The following CAD variants were observed in gnomAD, a reference collection of about 807,000 sequenced individuals.
CAD encodes multifunctional protein CAD.
CAD carries 81 observed loss-of-function variants against 237.2 expected under a neutral mutation model. The observed-to-expected ratio is 0.34, with a 90% confidence interval of 0.29 to 0.41. The LOEUF is 0.41. Among genes scored for constraint, CAD ranks in the 10% least tolerant of loss-of-function variants. The pLI, the probability that CAD is intolerant of heterozygous loss-of-function variation, is 1.00. For synonymous variants in CAD, 1,196 were observed against 1,162.8 expected (o/e 1.03, Z -0.58); for missense variants, 2,181 against 2,951.7 (o/e 0.74, Z 6.05).
Position 27,223,641 on chromosome 2 carries a change from G to A in CAD, c.888G>A (p.Gly296=), listed in dbSNP as rs1423922377. 1.2e-6 allele frequency: 2 copies of A among 1,614,094 alleles called. No homozygotes were observed. Among genetic ancestry groups the A allele is most frequent in the South Asian group, 1.1e-5 (1 of 91,064 alleles). Reference sequence around the variant, plus strand: ...GCTTTCTGACATCCCAGAACCATGGGTTTGCTGTGGAGACAGACTCACTGC... The same window carrying A: ...GCTTTCTGACATCCCAGAACCATGGATTTGCTGTGGAGACAGACTCACTGC... ...GRCFLTSQNH[G]FAVETDSLPA... The change falls in exon 7 of 44, where the codon GGG becomes GGA. Residue 296 remains glycine (G), a synonymous_variant. Coordinates refer to ENST00000264705, the MANE Select transcript of CAD (RefSeq NM_004341.5).
chr2:27,223,243 C>G (rs1317597533), intron 6 of CAD, among the ~76,000 whole-genome samples: 1 of 152,098 alleles, frequency 6.6e-6, no homozygotes, highest in African/African-American at 2.4e-5. Flanking sequence ...CCAGCCTGGC[C>G]AACATGGTGA....
intron 10 of CAD, 24 bp downstream of exon 10, chr2:27,224,900 T>C: frequency 6.2e-7 from 1 of 1,614,080 alleles, no homozygotes. Flanking sequence ...AAGGCTGGAA[T>C]GAAAAGAGGA....
At position 27,240,756 on chromosome 2, in the gene CAD, A is replaced by G. The variant is rs1676277771; in HGVS notation, c.5594-155A>G. On this transcript the variant is annotated intron_variant, in intron 35 of 43. Coordinates refer to ENST00000264705, the MANE Select transcript of CAD (RefSeq NM_004341.5). This position sits in a 1 kb window ranked among gnomAD's most constrained non-coding sequence, Gnocchi z 4.6. ...TGGGAAGCCACCTGTCTGTCCCCAG[A>G]GCTGCTGCAGTCCCCTGCCCTCCCC... 1.0e-5 allele frequency: 12 copies of G among 1,165,482 alleles called. No individual in the cohort carries two copies. The highest frequency in any genetic ancestry group is 1.1e-5 in the Non-Finnish European group (9 of 808,590). 72.2% of individuals were successfully genotyped at this position (1,165,482 alleles called of 1,614,324 possible). A position where few individuals can be genotyped will look rare whatever the true frequency, so the allele number is the denominator to read the frequency against.
chr2:27,239,958 A>G lies in CAD; in HGVS notation c.5496+160A>G. On this transcript the variant is annotated intron_variant, in intron 34 of 43. Coordinates refer to ENST00000264705, the MANE Select transcript of CAD (RefSeq NM_004341.5). The surrounding 1 kb of genome is among the most constrained non-coding windows in gnomAD (Gnocchi z 4.0). ...AATTATTTTTTTAAAATGCTGGGCC[A>G]GGCCAGATGTGGTGGCTCACACTTG... The G allele has an allele frequency of 1.6e-6, 1 of 610,802 alleles. No individual in the cohort carries two copies. Among genetic ancestry groups the G allele is most frequent in the Non-Finnish European group, 2.8e-6 (1 of 361,874 alleles). 37.8% of individuals were successfully genotyped at this position (610,802 alleles called of 1,614,324 possible).
Position 27,239,707 on chromosome 2 carries a change from C to A in CAD, c.5405C>A (p.Pro1802His). The change falls in exon 34 of 44, where the codon CCC becomes CAC. Residue 1802 changes from proline (P) to histidine (H), a missense_variant. Around this residue, in one of 12 missense-constraint regions of CAD, gnomAD observed 478 missense variants for 515.0 expected, o/e 0.93. Coordinates refer to ENST00000264705, the MANE Select transcript of CAD (RefSeq NM_004341.5). The surrounding 1 kb of genome is among the most constrained non-coding windows in gnomAD (Gnocchi z 4.0). ...GCCTTCTGCCTGCAGGTTCTGGTAC[C>A]CCCGGGCTATGGACAGGATGTACGG... ...VAYIDGQVLV[P>H]PGYGQDVRKW... 6.3e-7 allele frequency: 1 copy of A among 1,587,784 alleles called. No individual in the cohort carries two copies. The highest frequency in any genetic ancestry group is 8.6e-7 in the Non-Finnish European group (1 of 1,165,378).
In CAD at chr2:27,237,984, T is replaced by TG; in HGVS notation, c.4729-68dup. 1 of 1,590,230 alleles carries TG rather than the reference T, an allele frequency of 6.3e-7. No homozygotes were observed. Among genetic ancestry groups the TG allele is most frequent in the East Asian group, 2.2e-5 (1 of 44,572 alleles). ...AGCAGTGAGGATTCAGGGGAGCTCC[T>TG]GGGGACTCTGGGCTCTGATGAGCAC... On this transcript the variant is annotated intron_variant, in intron 29 of 43. Coordinates refer to ENST00000264705, the MANE Select transcript of CAD (RefSeq NM_004341.5). The surrounding 1 kb of genome is among the most constrained non-coding windows in gnomAD (Gnocchi z 4.0).
Position 27,243,190 on chromosome 2 carries a change from C to T in CAD, c.6481-8C>T. 4 of 1,613,936 alleles carry T rather than the reference C, an allele frequency of 2.5e-6. No individual in the cohort carries two copies. The highest frequency in any genetic ancestry group is 1.3e-5 in the African/African-American group (1 of 75,002). On this transcript the variant is annotated splice_region_variant and splice_polypyrimidine_tract_variant and intron_variant, in intron 42 of 43. Transcript: ENST00000264705. ...AAGGCACTAATGGGGACCCCATCTG[C>T]TTTGCAGTGCTTTGGTCAGTTCATC...
Position 27,224,365 on chromosome 2 carries a change from C to CA in CAD, c.1129_1130insA (p.Arg377GlnfsTer37). The CA allele has an allele frequency of 1.9e-6, 3 of 1,614,188 alleles. No homozygotes were observed. The highest frequency in any genetic ancestry group is 2.5e-6 in the Non-Finnish European group (3 of 1,180,026). On this transcript the variant is annotated frameshift_variant, in exon 9 of 44. Transcript: ENST00000264705. LOFTEE classifies it high-confidence loss of function. ...CACAGTTAGAGAGCGGCTGACTGAG[C>CA]GCCTCTGTCCCCCTGGGATTCCCAC...
Position 27,240,634 on chromosome 2 carries a change from G to T in CAD, c.5593+273G>T. 1 of 1,543,624 alleles carries T rather than the reference G, an allele frequency of 6.5e-7. No individual in the cohort carries two copies. The highest frequency in any genetic ancestry group is 8.7e-7 in the Non-Finnish European group (1 of 1,142,932). On this transcript the variant is annotated intron_variant, in intron 35 of 43. Coordinates refer to ENST00000264705, the MANE Select transcript of CAD (RefSeq NM_004341.5). This position sits in a 1 kb window ranked among gnomAD's most constrained non-coding sequence, Gnocchi z 4.6. ...GAGCGTGGGGTAAATCCAGGTTGTT[G>T]GTTGGTGTGAGTCTGGCCGTTCCTC...
At chr2:27,231,920 A>G (rs1572438575) in intron 16 of CAD, 60 bp from the exon 17 acceptor site, 2 of 1,601,994 alleles carry the variant, frequency 1.2e-6, no homozygotes, top group East Asian at 4.5e-5. Context: ...GCAGCTACTT[A>G]CGCTCAGGCT....
In CAD at chr2:27,235,456, G is replaced by A. The variant is rs778681761; in HGVS notation, c.3969+29G>A. ...TCAGAATCCAGGAGGGCTTCCCGAG[G>A]GCCGTGGCTCCCTGGGCCAGGGCTG... On this transcript the variant is annotated intron_variant, in intron 24 of 43. Coordinates refer to ENST00000264705, the MANE Select transcript of CAD (RefSeq NM_004341.5). This position sits in a 1 kb window ranked among gnomAD's most constrained non-coding sequence, Gnocchi z 5.2. 3.1e-6 allele frequency: 5 copies of A among 1,608,040 alleles called. No individual in the cohort carries two copies. The Admixed American group carries it at 5.0e-5, about 16-fold the overall frequency.
intron 2 of CAD, among the ~76,000 whole-genome samples, chr2:27,218,773 A>T (rs1460950337): frequency 6.6e-6 from 1 of 152,168 alleles, no homozygotes; most frequent in African/African-American, 2.4e-5. Flanking sequence ...AAAACCCAAC[A>T]TATAGTAATT....
intron 1 of CAD, 27 bp downstream of exon 1, chr2:27,217,660 CCTT>C: frequency 6.4e-7 from 1 of 1,567,684 alleles, no homozygotes; most frequent in Non-Finnish European, 8.7e-7. Context: ...AGGCTGCAGA[CCTT>C]ATCCCACTCT....
At chr2:27,225,963 C>T in intron 12 of CAD, 37 bp downstream of exon 12, 1 of 1,589,676 alleles carries the variant, frequency 6.3e-7, no homozygotes, top group Non-Finnish European at 8.6e-7. Flanking sequence ...TCGTGTCAGG[C>T]AGGATGAGCT....
In CAD at chr2:27,242,694, C is replaced by T; in HGVS notation, c.6297C>T (p.Val2099=). The T allele has an allele frequency of 6.2e-7, 1 of 1,614,098 alleles. No individual in the cohort carries two copies. Among genetic ancestry groups the T allele is most frequent in the Non-Finnish European group, 8.5e-7 (1 of 1,179,966 alleles). ...SLACLLTQYR[V]SLRYVAPPSL... is the part of the protein sequence containing the mutation. The stretch of plus-strand genomic sequence containing the variant: ...CCTGCCTGCTCACCCAGTATCGTGT[C>T]AGCCTGCGCTACGTGGCACCTCCCA... Residue 2099 remains valine (V), a synonymous_variant, in exon 41 of 44, where the codon GTC becomes GTT. Transcript: ENST00000264705. The surrounding 1 kb of genome is among the most constrained non-coding windows in gnomAD (Gnocchi z 6.4).
chr2:27,229,228 C>T (rs544052107), intron 15 of CAD, among the ~76,000 whole-genome samples: 3 of 151,802 alleles, frequency 2.0e-5, no homozygotes, highest in African/African-American at 4.8e-5. Context: ...GACCCTGTCT[C>T]GTTAAAAAAG....
In CAD at chr2:27,225,932, T is replaced by C. The variant is rs1265347143; in HGVS notation, c.1842+6T>C. ...CCTATGGCAACTGTGTCACGGTGAG[T>C]GAATGGGGGAAGGGTGGGCGTCGTG... is the stretch of plus-strand genomic sequence containing the variant. On this transcript the variant is annotated splice_donor_region_variant and intron_variant, in intron 12 of 43. Coordinates refer to ENST00000264705, the MANE Select transcript of CAD (RefSeq NM_004341.5). 6.2e-7 allele frequency: 1 copy of C among 1,611,522 alleles called. No individual in the cohort carries two copies. Among genetic ancestry groups the C allele is most frequent in the Admixed American group, 1.7e-5 (1 of 59,990 alleles).
chr2:27,222,166 G>A, intron 3 of CAD, 28 bp from the exon 4 acceptor site: 1 of 1,593,848 alleles, frequency 6.3e-7, no homozygotes, highest in Admixed American at 1.7e-5. Context: ...GTAGGAATGT[G>A]ATCCCTAAGA....
chr2:27,230,497 G>A lies in CAD; in HGVS notation c.2288-971G>A, dbSNP rs542038359. 2.6e-5 allele frequency among the ~76,000 whole-genome samples: 4 copies of A among 151,928 alleles called. No homozygotes were observed. The South Asian group carries it at 6.3e-4, about 24-fold the overall frequency. ...TCTAATTAGCCAGACATGGTGACAC[G>A]CACCTGTAATCACAGCTACTCAGGA... is the stretch of plus-strand genomic sequence containing the variant. On this transcript the variant is annotated intron_variant, in intron 15 of 43. Coordinates refer to ENST00000264705, the MANE Select transcript of CAD (RefSeq NM_004341.5).
Sources: allele counts gnomAD v4.1 joint callset (sites outside exome capture counted in the v4.1 genomes callset), GRCh38; gene constraint gnomAD v4.1.1; regional missense constraint gnomAD v4.1.1; non-coding constraint Gnocchi (gnomAD v3.1); transcripts MANE v1.5; gene names NCBI Gene and HGNC (gene_info 2026-07-23, HGNC 2026-07-21).